Variants in ACTR3C observed in about 807,000 individuals in gnomAD.
The protein encoded by ACTR3C is actin related protein 3C.
ACTR3C carries 18 observed loss-of-function variants against 26.3 expected under a neutral mutation model. The ratio of observed to expected loss-of-function variants is 0.68; its 90% CI spans 0.47 to 1.01. ACTR3C has a LOEUF of 1.01. ACTR3C is among the 50% of genes least tolerant of loss of function. ACTR3C has a pLI of 0.00. For missense variants in ACTR3C, 184 were observed against 250.7 expected (o/e 0.73, Z 1.80); for synonymous variants, 55 against 94.5 (o/e 0.58, Z 2.42).
the ACTR3C span, among the ~76,000 whole-genome samples, chr7:149,953,204 AT>A: frequency 6.7e-6 from 1 of 149,638 alleles, no homozygotes. Flanking sequence ...AAGTCACACC[AT>A]TTTGTAAAGA....
At chr7:149,898,317 C>T in the ACTR3C span, among the ~76,000 whole-genome samples, 1 of 152,234 alleles carries the variant, frequency 6.6e-6, no homozygotes, top group African/African-American at 2.4e-5. Flanking sequence ...GGGCCACTGC[C>T]AATGTGCCAA....
the ACTR3C span, among the ~76,000 whole-genome samples, chr7:150,036,977 C>A: frequency 4.4e-4 from 28 of 63,754 alleles, no homozygotes; most frequent in African/African-American, 6.0e-4. Context: ...TCAGTCCCTG[C>A]CTCGCGGGGG....
At chr7:149,890,657 C>T in the ACTR3C span, 1 of 153,912 alleles carries the variant, frequency 6.5e-6, no homozygotes, top group African/African-American at 2.4e-5. Context: ...TCCAGAACAT[C>T]AGACAAGTTC....
the ACTR3C span, among the ~76,000 whole-genome samples, chr7:150,195,196 C>T: frequency 6.6e-6 from 1 of 150,728 alleles, no homozygotes; most frequent in South Asian, 2.1e-4. Context: ...GAACTGGGAA[C>T]ATACTGTTAT....
At chr7:150,295,221 C>T in intron 2 of ACTR3C, 31 bp downstream of exon 2, 1 of 1,612,254 alleles carries the variant, frequency 6.2e-7, no homozygotes, top group Non-Finnish European at 8.5e-7. Flanking sequence ...AGCTCAGGTG[C>T]TTTAGGAATC....
At chr7:150,079,467 C>G in the ACTR3C span, among the ~76,000 whole-genome samples, 2 of 152,198 alleles carry the variant, frequency 1.3e-5, no homozygotes, top group Admixed American at 1.3e-4. Context: ...TGAAGCCTTA[C>G]TCTGAGTGGT....
chr7:150,070,799 CTTTTTTT>C, the ACTR3C span, among the ~76,000 whole-genome samples: 1 of 134,144 alleles, frequency 7.5e-6, no homozygotes, highest in Non-Finnish European at 1.6e-5. Flanking sequence ...TTTTTCTTTT[CTTTTTTT>C]TTTTTTGAGA....
chr7:150,090,186 T>C, the ACTR3C span, among the ~76,000 whole-genome samples: 8 of 152,244 alleles, frequency 5.3e-5, no homozygotes, highest in East Asian at 1.5e-3. Flanking sequence ...CAGCAGGCAG[T>C]AGAGATTATG....
At chr7:150,111,009 C>A in the ACTR3C span, among the ~76,000 whole-genome samples, 2 of 151,102 alleles carry the variant, frequency 1.3e-5, no homozygotes, top group Non-Finnish European at 3.0e-5. Context: ...CTATCCTGGC[C>A]TAAAACAGTG....
chr7:150,037,295 T>C, the ACTR3C span, among the ~76,000 whole-genome samples: 1 of 45,328 alleles, frequency 2.2e-5, no homozygotes, highest in African/African-American at 7.0e-5. Context: ...AGGTGGGTCC[T>C]AAGGATCTTA....
At chr7:150,053,159 G>T in the ACTR3C span, among the ~76,000 whole-genome samples, 5 of 149,254 alleles carry the variant, frequency 3.3e-5, no homozygotes, top group African/African-American at 1.2e-4. Context: ...TTTGGAGCAT[G>T]GGGTATAGAA....
At chr7:150,265,460 G>A (rs373759816) in intron 6 of ACTR3C, among the ~76,000 whole-genome samples, 4 of 151,984 alleles carry the variant, frequency 2.6e-5, no homozygotes, top group East Asian at 1.9e-4. Flanking sequence ...TTGGGAGGCC[G>A]AGGCAGGCGG....
chr7:150,247,950 C>T (rs1196630795), intron 7 of ACTR3C: 1 of 152,314 alleles, frequency 6.6e-6, no homozygotes, highest in Admixed American at 6.5e-5. Context: ...CTGGTACAGC[C>T]TTCAGGCTTG....
At chr7:150,237,881 C>G in the ACTR3C span, among the ~76,000 whole-genome samples, 3 of 144,058 alleles carry the variant, frequency 2.1e-5, no homozygotes, top group East Asian at 6.1e-4. Flanking sequence ...CCCAGGCACT[C>G]TGTTTTTTTT....
the ACTR3C span, among the ~76,000 whole-genome samples, chr7:149,998,656 C>T: frequency 1.3e-5 from 2 of 150,168 alleles, no homozygotes; most frequent in South Asian, 4.3e-4. Flanking sequence ...GATTAAATTA[C>T]CTCCCACAGG....
the ACTR3C span, among the ~76,000 whole-genome samples, chr7:149,933,263 C>T: frequency 4.0e-5 from 6 of 151,576 alleles, no homozygotes; most frequent in Non-Finnish European, 8.8e-5. Flanking sequence ...TCCATCTCCC[C>T]ACCATCCCCA....
chr7:150,300,202 T>G (rs565008564), intron 1 of ACTR3C, among the ~76,000 whole-genome samples: 25 of 151,998 alleles, frequency 1.6e-4, no homozygotes, highest in East Asian at 1.2e-3. Flanking sequence ...AATACAAAAA[T>G]TAGCCAGGCT....
chr7:150,031,284 A>AC, the ACTR3C span, among the ~76,000 whole-genome samples: 2 of 141,332 alleles, frequency 1.4e-5, no homozygotes, highest in East Asian at 2.4e-4. Flanking sequence ...GTAAAAAAAA[A>AC]AAAACAAATC....
chr7:150,056,813 C>T, the ACTR3C span, among the ~76,000 whole-genome samples: 1 of 146,090 alleles, frequency 6.8e-6, no homozygotes, highest in East Asian at 2.0e-4. Context: ...ATCATTGATG[C>T]AGACCCATTT....
Sources: gnomAD v4.1 joint callset for allele counts (sites outside exome capture counted in the v4.1 genomes callset) on GRCh38, gnomAD v4.1.1 for gene constraint, MANE v1.5 for transcripts, NCBI Gene and HGNC (gene_info 2026-07-23, HGNC 2026-07-21) for gene names.